CFAP20DC: variants seen among roughly 807,000 people sequenced by gnomAD.
CFAP20DC encodes CFAP20 domain containing.
CFAP20DC carries 84 observed loss-of-function variants against 101.7 expected under a neutral mutation model. The observed-to-expected ratio is 0.83, with a 90% CI of 0.69 to 0.99. CFAP20DC has a LOEUF of 0.99. Ranked by LOEUF, CFAP20DC falls within the 50% of genes least tolerant of loss-of-function variation. The pLI, the probability that CFAP20DC is intolerant of heterozygous loss-of-function variation, is 0.00. For missense variants in CFAP20DC, 1,007 were observed against 970.3 expected (o/e 1.04, Z -0.50); for synonymous variants, 359 against 351.2 (o/e 1.02, Z -0.25).
At chr3:58,888,989 T>C (rs933746125) in intron 6 of CFAP20DC, among the ~76,000 whole-genome samples, 1 of 122,086 alleles carries the variant, frequency 8.2e-6, no homozygotes, top group Non-Finnish European at 1.7e-5. Context: ...GCATCTATTG[T>C]TTTTTTTTTT....
chr3:58,778,820 A>G (rs574595958), intron 15 of CFAP20DC, among the ~76,000 whole-genome samples: 3 of 152,306 alleles, frequency 2.0e-5, no homozygotes, highest in African/African-American at 7.2e-5. Flanking sequence ...TAACAAACAT[A>G]TCTTAAGCCA....
intron 15 of CFAP20DC, among the ~76,000 whole-genome samples, chr3:58,794,540 C>T (rs541733991): frequency 6.6e-6 from 1 of 152,266 alleles, no homozygotes; most frequent in South Asian, 2.1e-4. Context: ...GTAAACAATG[C>T]ATTGCTAGAG....
Position 58,995,979 on chromosome 3 carries a change from T to A in CFAP20DC, c.278+43578A>T, listed in dbSNP as rs75317963. On this transcript the variant is annotated intron_variant, in intron 4 of 16. Coordinates refer to ENST00000482387, the MANE Select transcript of CFAP20DC (RefSeq NM_001394063.1). The stretch of plus-strand genomic sequence containing the variant: ...ATGAGCCAATTCTGTATAATAAATC[T>A]ATCTATCTATCTATCTATCTATCTA... 9.5e-4 allele frequency among the ~76,000 whole-genome samples: 120 copies of A among 126,516 alleles called. 2 individuals are homozygous for A. The East Asian group carries it at 0.012, about 13-fold the overall frequency. 83.0% of individuals were successfully genotyped at this position (126,516 alleles called of 152,430 possible).
chr3:58,999,727 C>T (rs1250759942), intron 4 of CFAP20DC, among the ~76,000 whole-genome samples: 1 of 151,406 alleles, frequency 6.6e-6, no homozygotes, highest in Non-Finnish European at 1.5e-5. Context: ...ACAGTTTCAA[C>T]TCTGAAAATT....
At chr3:58,793,593 T>C (rs1400537283) in intron 15 of CFAP20DC, among the ~76,000 whole-genome samples, 1 of 152,166 alleles carries the variant, frequency 6.6e-6, no homozygotes, top group African/African-American at 2.4e-5. Context: ...AAAACACTGA[T>C]CATAATGTAA....
chr3:58,955,498 C>T (rs1179925790), intron 4 of CFAP20DC, among the ~76,000 whole-genome samples: 1 of 152,052 alleles, frequency 6.6e-6, no homozygotes, highest in African/African-American at 2.4e-5. Context: ...TGATGCCCAC[C>T]CACAGAGGGA....
chr3:59,046,407 A>G (rs1395224135), intron 2 of CFAP20DC, 85 bp from the exon 3 acceptor site: 23 of 792,966 alleles, frequency 2.9e-5, no homozygotes, highest in Middle Eastern at 3.1e-4. Context: ...ATCTACAGGG[A>G]AAAAAAAATC....
intron 15 of CFAP20DC, among the ~76,000 whole-genome samples, chr3:58,777,255 C>A (rs1356839663): frequency 6.6e-6 from 1 of 152,174 alleles, no homozygotes; most frequent in Non-Finnish European, 1.5e-5. Context: ...CCCCTCCCCG[C>A]TTTGTGTTGT....
At position 58,868,357 on chromosome 3, in the gene CFAP20DC, T is replaced by A. The variant is rs1357721074; in HGVS notation, c.1016-421A>T. ...CCAAAAGAGCCCTGGAGAACTGAGG[T>A]CAAGCTGAAGAAGAACTTCTAAGTA... is the stretch of plus-strand genomic sequence containing the variant. On this transcript the variant is annotated intron_variant, in intron 9 of 16. Coordinates refer to ENST00000482387, the MANE Select transcript of CFAP20DC (RefSeq NM_001394063.1). This position sits in a 1 kb window ranked among gnomAD's most constrained non-coding sequence, Gnocchi z 4.6. 6.6e-6 allele frequency among the ~76,000 whole-genome samples: 1 copy of A among 151,980 alleles called. No homozygotes were observed. Among genetic ancestry groups the A allele is most frequent in the Non-Finnish European group, 1.5e-5 (1 of 67,950 alleles).
At chr3:58,839,769 T>C (rs13095591) in intron 13 of CFAP20DC, among the ~76,000 whole-genome samples, 7,667 of 152,282 alleles carry the variant, frequency 0.05, 334 homozygotes, top group Admixed American at 0.13. Flanking sequence ...TCCGAAACTT[T>C]TGAGAACTTG....
intron 12 of CFAP20DC, 66 bp from the exon 13 acceptor site, chr3:58,849,475 C>G: frequency 8.5e-7 from 1 of 1,172,662 alleles, no homozygotes. Flanking sequence ...TTACTGAGTA[C>G]AAGTTCTTAA....
intron 13 of CFAP20DC, among the ~76,000 whole-genome samples, chr3:58,836,749 T>C (rs981920546): frequency 6.6e-6 from 1 of 152,030 alleles, no homozygotes; most frequent in Admixed American, 6.6e-5. Flanking sequence ...TCGAACAATC[T>C]CCACCTCTGT....
chr3:58,855,449 A>G (rs1286705459), intron 12 of CFAP20DC, among the ~76,000 whole-genome samples: 1 of 152,144 alleles, frequency 6.6e-6, no homozygotes, highest in Non-Finnish European at 1.5e-5. Flanking sequence ...GGGATCTAGA[A>G]CTAGAAATAC....
chr3:59,046,406 G>GA (rs1055633051), intron 2 of CFAP20DC, 84 bp from the exon 3 acceptor site: 460 of 830,088 alleles, frequency 5.5e-4, no homozygotes, highest in South Asian at 8.3e-4. Flanking sequence ...GATCTACAGG[G>GA]AAAAAAAAAT....
chr3:58,757,414 T>G (rs1206197290), intron 15 of CFAP20DC, among the ~76,000 whole-genome samples: 1 of 152,082 alleles, frequency 6.6e-6, no homozygotes, highest in Non-Finnish European at 1.5e-5. Context: ...GCCATATATA[T>G]GATTGTTCAC....
intron 15 of CFAP20DC, among the ~76,000 whole-genome samples, chr3:58,791,978 T>G (rs377735854): frequency 2.7e-4 from 41 of 152,266 alleles, no homozygotes; most frequent in African/African-American, 9.4e-4. Context: ...AATACAACCA[T>G]GTACTTGGAA....
rs948651319 is a variant in CFAP20DC at position 58,807,242 on chromosome 3, G to C, written c.2176-786C>G. The stretch of plus-strand genomic sequence containing the variant: ...TCTCCCAGCACGCAGCTGGAGATCT[G>C]AGAATGGGCAGACTGCCTCCTCAAG... On this transcript the variant is annotated intron_variant, in intron 14 of 16. Transcript: ENST00000482387. Among the ~76,000 whole-genome samples the C allele has an allele frequency of 6.5e-4, 99 of 152,288 alleles. 2 individuals carry two copies. The highest frequency in any genetic ancestry group is 1.5e-3 in the South Asian group (7 of 4,816).
In CFAP20DC at chr3:59,049,868, G is replaced by A. The variant is rs1250885882; in HGVS notation, c.-237C>T. 4 of 587,670 alleles carry A rather than the reference G, an allele frequency of 6.8e-6. No homozygotes were observed. Among genetic ancestry groups the A allele is most frequent in the Admixed American group, 3.1e-5 (1 of 32,682 alleles). The allele number at this position is 587,670 out of a possible 1,614,324, so 36.4% of individuals were successfully genotyped here. ...TCCAGCCTCCGCGGTGCCCGGGTCTGGGGAGGGCGCAGCTGCCTGGACGGA... is the reference window on the plus strand; with the variant it reads ...TCCAGCCTCCGCGGTGCCCGGGTCTAGGGAGGGCGCAGCTGCCTGGACGGA... On this transcript the variant is annotated 5_prime_UTR_variant, in exon 1 of 17. Transcript: ENST00000482387.
chr3:58,934,420 T>G (rs1192641780), intron 5 of CFAP20DC, among the ~76,000 whole-genome samples: 1 of 152,162 alleles, frequency 6.6e-6, no homozygotes, highest in Non-Finnish European at 1.5e-5. Context: ...TAACTCATTT[T>G]ATGAGGCCAG....
Sources: allele counts gnomAD v4.1 joint callset (sites outside exome capture counted in the v4.1 genomes callset), GRCh38; gene constraint gnomAD v4.1.1; non-coding constraint Gnocchi (gnomAD v3.1); transcripts MANE v1.5; gene names NCBI Gene and HGNC (gene_info 2026-07-23, HGNC 2026-07-21).